Variants in CLIP4 observed in about 807,000 individuals in gnomAD.
The protein encoded by CLIP4 is CAP-Gly domain-containing linker protein 4.
In CLIP4, 47 loss-of-function variants were observed where a neutral mutation model predicts 73.1. The ratio of observed to expected loss-of-function variants is 0.64; its 90% CI spans 0.51 to 0.82. The LOEUF (loss-of-function observed/expected upper bound fraction) is 0.82, where lower values mean the gene tolerates loss of function less well. CLIP4 is among the 40% of genes least tolerant of loss of function. The pLI is 0.00. For synonymous variants in CLIP4, 306 were observed against 295.4 expected (o/e 1.04, Z -0.37); for missense variants, 874 against 852.9 (o/e 1.02, Z -0.31).
At chr2:29,150,163 G>T (rs914255971) in intron 8 of CLIP4, among the ~76,000 whole-genome samples, 1 of 152,142 alleles carries the variant, frequency 6.6e-6, no homozygotes, top group African/African-American at 2.4e-5. Flanking sequence ...TGCCTCCAGT[G>T]GTGTCTCCTC....
Position 29,157,074 on chromosome 2 carries a change from T to C in CLIP4, c.1256-130T>C, listed in dbSNP as rs369362039. The stretch of plus-strand genomic sequence containing the variant: ...TTGCTATTTGGATGAAATTAGGCAT[T>C]TAATTTGACACTAGATAATCCATAA... On this transcript the variant is annotated intron_variant, in intron 10 of 15. Transcript: ENST00000320081. 2.0e-5 allele frequency: 15 copies of C among 737,120 alleles called. 1 individual carries two copies. Among genetic ancestry groups the C allele is most frequent in the East Asian group, 2.0e-4 (8 of 40,236 alleles). The allele number at this position is 737,120 out of a possible 1,614,324, so 45.7% of individuals were successfully genotyped here.
intron 11 of CLIP4, 114 bp from the exon 12 acceptor site, chr2:29,160,219 C>A: frequency 7.9e-7 from 1 of 1,270,786 alleles, no homozygotes; most frequent in South Asian, 1.3e-5. Flanking sequence ...ACTAACTAGA[C>A]TAGTTAGAAT....
chr2:29,131,165 G>A, intron 2 of CLIP4, 93 bp from the exon 3 acceptor site: 1 of 1,083,082 alleles, frequency 9.2e-7, no homozygotes, highest in Non-Finnish European at 1.3e-6. Context: ...TAAAATATTT[G>A]TATCATTTGA....
intron 15 of CLIP4, among the ~76,000 whole-genome samples, chr2:29,176,366 C>T (rs903084730): frequency 2.2e-4 from 33 of 152,210 alleles, no homozygotes; most frequent in Admixed American, 6.5e-5. Flanking sequence ...CTTGCTTGTT[C>T]GTATGGAAAT....
In CLIP4 at chr2:29,116,521, TTTG is replaced by T. The variant is rs372047878; in HGVS notation, c.-16+862_-16+864del. Among the ~76,000 whole-genome samples, 154 of 152,344 alleles carry T rather than the reference TTTG, an allele frequency of 1.0e-3. 2 individuals carry two copies. Among genetic ancestry groups the T allele is most frequent in the African/African-American group, 3.5e-3 (146 of 41,586 alleles). ...ATTGTACTTCACTTTCACTTTGACG[TTTG>T]TTGTTTGTGAATCTTGTGCACAATT... On this transcript the variant is annotated intron_variant, in intron 1 of 15. Transcript: ENST00000320081.
chr2:29,101,556 A>T (rs1365023997), intron 1 of CLIP4, among the ~76,000 whole-genome samples: 2 of 152,086 alleles, frequency 1.3e-5, no homozygotes, highest in Non-Finnish European at 2.9e-5. Context: ...AGGTGATTAG[A>T]TGGTGCCCAC....
rs202154099 is a variant in CLIP4 at position 29,131,438 on chromosome 2, T to A, written c.273+41T>A. 1,925 of 1,555,880 alleles carry A rather than the reference T, an allele frequency of 1.2e-3. 2 individuals carry two copies. Among genetic ancestry groups the A allele is most frequent in the Admixed American group, 2.6e-3 (122 of 46,856 alleles). ...ATTTTAAGTTTTGCATTGTTAGGAT[T>A]GTTAATGGTATAGATTTTTTTCCCC... is the stretch of plus-strand genomic sequence containing the variant. On this transcript the variant is annotated intron_variant, in intron 3 of 15. Coordinates refer to ENST00000320081, the MANE Select transcript of CLIP4 (RefSeq NM_024692.6).
chr2:29,152,631 CT>C (rs1666649008), intron 8 of CLIP4, 53 bp from the exon 9 acceptor site: 1 of 1,567,672 alleles, frequency 6.4e-7, no homozygotes, highest in African/African-American at 1.4e-5. Flanking sequence ...GTACTTGTTC[CT>C]TTATTTGAAA....
intron 1 of CLIP4, among the ~76,000 whole-genome samples, chr2:29,118,578 G>A (rs1156241921): frequency 6.6e-6 from 1 of 151,348 alleles, no homozygotes; most frequent in African/African-American, 2.4e-5. Context: ...GACTGCAGTG[G>A]CGGGATCTCG....
At chr2:29,140,585 G>A (rs1015751857) in intron 6 of CLIP4, among the ~76,000 whole-genome samples, 2 of 152,264 alleles carry the variant, frequency 1.3e-5, no homozygotes, top group Admixed American at 6.5e-5. Context: ...AGTCCTTTGG[G>A]TATATACCCA....
At chr2:29,181,435 C>A in intron 15 of CLIP4, 137 bp from the exon 16 acceptor site, 1 of 722,920 alleles carries the variant, frequency 1.4e-6, no homozygotes, top group Non-Finnish European at 2.2e-6. Flanking sequence ...ATTTAAAAAT[C>A]AAGTTGTGAC....
chr2:29,139,163 A>T (rs1298357637), intron 6 of CLIP4, among the ~76,000 whole-genome samples: 1 of 150,596 alleles, frequency 6.6e-6, no homozygotes, highest in Non-Finnish European at 1.5e-5. Context: ...TAGTATTTTG[A>T]GGTATGTTCC....
chr2:29,125,091 G>T (rs929332464), intron 2 of CLIP4, among the ~76,000 whole-genome samples: 3 of 152,170 alleles, frequency 2.0e-5, no homozygotes, highest in African/African-American at 7.2e-5. Context: ...CTACTTTTCT[G>T]ATTTGTTAGG....
chr2:29,157,477 C>A, intron 11 of CLIP4, 130 bp downstream of exon 11: 3 of 1,397,418 alleles, frequency 2.1e-6, no homozygotes, highest in African/African-American at 1.4e-5. Flanking sequence ...TTTTACTCTT[C>A]CCCACCTCCC....
chr2:29,130,968 C>A, intron 2 of CLIP4: 1 of 1,211,388 alleles, frequency 8.3e-7, no homozygotes, highest in Non-Finnish European at 1.1e-6. Flanking sequence ...CCCAGATTTG[C>A]CACTTACTAG....
chr2:29,171,388 A>AT (rs951111330), intron 14 of CLIP4, among the ~76,000 whole-genome samples: 7 of 151,672 alleles, frequency 4.6e-5, no homozygotes, highest in South Asian at 2.1e-4. Flanking sequence ...AATAATATAT[A>AT]TTTTTTTACC....
Position 29,106,168 on chromosome 2 carries a change from G to T in CLIP4, c.-16+8221G>T, listed in dbSNP as rs1010754259. 2.0e-5 allele frequency among the ~76,000 whole-genome samples: 3 copies of T among 151,130 alleles called. No homozygotes were observed. The East Asian group carries it at 5.8e-4, about 29-fold the overall frequency. The stretch of plus-strand genomic sequence containing the variant: ...TGGATAAGTTACTTAACTGCTCTAT[G>T]ACCTGATTTCTCCAACTGGAAAAAA... On this transcript the variant is annotated intron_variant, in intron 1 of 14. Transcript: ENST00000401605.
Position 29,156,385 on chromosome 2 carries a change from T to C in CLIP4, c.1197T>C (p.Ser399=). Residue 399 remains serine, a synonymous_variant, in exon 10 of 16, where the codon TCT becomes TCC. Transcript: ENST00000320081. ...TGACATCAAAAAAAGATAGTGCTTC[T>C]GAGTCAACACTTTCATTGCCTCCTG... ...GLMTSKKDSA[S]ESTLSLPPGE... The C allele has an allele frequency of 1.9e-6, 3 of 1,586,098 alleles. No homozygotes were observed. The highest frequency in any genetic ancestry group is 2.6e-6 in the Non-Finnish European group (3 of 1,173,256).
intron 8 of CLIP4, among the ~76,000 whole-genome samples, chr2:29,150,468 C>T (rs1285010694): frequency 6.6e-6 from 1 of 152,042 alleles, no homozygotes; most frequent in Middle Eastern, 3.2e-3. Flanking sequence ...ATTTATTGAA[C>T]ATTATTATGA....
Sources: allele counts gnomAD v4.1 joint callset (sites outside exome capture counted in the v4.1 genomes callset), GRCh38; gene constraint gnomAD v4.1.1; transcripts MANE v1.5; gene names NCBI Gene and HGNC (gene_info 2026-07-23, HGNC 2026-07-21).